Variants in CCDC172 observed in about 807,000 individuals in gnomAD.
CCDC172 encodes the protein coiled-coil domain containing 172.
Under a neutral mutation model 38.0 loss-of-function variants are expected in CCDC172, and 30 were observed. The observed-to-expected ratio is 0.79, with a 90% CI of 0.59 to 1.07. The LOEUF is 1.07. Ranked by LOEUF, CCDC172 falls within the 50% of genes least tolerant of loss-of-function variation. CCDC172 has a pLI of 0.00. For synonymous variants in CCDC172, 78 were observed against 88.3 expected (o/e 0.88, Z 0.66); for missense variants, 297 against 290.1 (o/e 1.02, Z -0.17).
At chr10:116,354,714 A>C (rs557459153) in intron 5 of CCDC172, among the ~76,000 whole-genome samples, 123 of 152,194 alleles carry the variant, frequency 8.1e-4, no homozygotes, top group Admixed American at 4.0e-3. Context: ...TGGGTGACAG[A>C]GCGAGACTCT....
intron 5 of CCDC172, among the ~76,000 whole-genome samples, chr10:116,352,058 G>C (rs1443265141): frequency 1.3e-5 from 2 of 152,144 alleles, no homozygotes; most frequent in East Asian, 3.8e-4. Context: ...GAGCAATAAG[G>C]TGGACAATTC....
At chr10:116,347,616 T>G (rs1197925932) in intron 5 of CCDC172, among the ~76,000 whole-genome samples, 1 of 152,130 alleles carries the variant, frequency 6.6e-6, no homozygotes. Context: ...AGCTTCACTC[T>G]GACATCATGA....
At chr10:116,326,085 G>C (rs1844588998) in intron 3 of CCDC172, among the ~76,000 whole-genome samples, 1 of 152,146 alleles carries the variant, frequency 6.6e-6, no homozygotes, top group South Asian at 2.1e-4. Context: ...GAAAACCGTT[G>C]CAAGTTCCTG....
chr10:116,354,684 C>T (rs549352280), intron 5 of CCDC172, among the ~76,000 whole-genome samples: 1 of 152,286 alleles, frequency 6.6e-6, no homozygotes, highest in South Asian at 2.1e-4. Flanking sequence ...GAGCTGAGAT[C>T]ATGCCACTGC....
intron 7 of CCDC172, among the ~76,000 whole-genome samples, chr10:116,359,882 T>C (rs1443506477): frequency 2.0e-5 from 3 of 152,228 alleles, no homozygotes; most frequent in African/African-American, 7.2e-5. Flanking sequence ...ATATGCCATG[T>C]TCAGGTTATT....
At chr10:116,355,135 G>A (rs1173348661) in intron 5 of CCDC172, among the ~76,000 whole-genome samples, 1 of 152,144 alleles carries the variant, frequency 6.6e-6, no homozygotes, top group Non-Finnish European at 1.5e-5. Flanking sequence ...CGGTAATGTC[G>A]TGGGCCTATG....
At chr10:116,326,236 A>G (rs2134897102) in intron 3 of CCDC172, among the ~76,000 whole-genome samples, 1 of 152,334 alleles carries the variant, frequency 6.6e-6, no homozygotes, top group Middle Eastern at 3.4e-3. Context: ...CCCTGTCTTT[A>G]AAAATAAAAG....
At chr10:116,368,389 T>C (rs1224743384) in intron 7 of CCDC172, among the ~76,000 whole-genome samples, 2 of 152,102 alleles carry the variant, frequency 1.3e-5, no homozygotes, top group East Asian at 3.9e-4. Flanking sequence ...GTAAAGTTCT[T>C]TTAAAAAGAG....
At chr10:116,368,806 A>G (rs995531216) in intron 7 of CCDC172, among the ~76,000 whole-genome samples, 1 of 152,060 alleles carries the variant, frequency 6.6e-6, no homozygotes, top group Non-Finnish European at 1.5e-5. Context: ...TACCATTTTT[A>G]AATGGTAAAT....
At chr10:116,348,035 T>C (rs1227616816) in intron 5 of CCDC172, among the ~76,000 whole-genome samples, 1 of 152,184 alleles carries the variant, frequency 6.6e-6, no homozygotes, top group African/African-American at 2.4e-5. Flanking sequence ...ATATGTGAGA[T>C]TCATCTTTGT....
chr10:116,360,321 C>G (rs531624926), intron 7 of CCDC172, among the ~76,000 whole-genome samples: 91 of 152,112 alleles, frequency 6.0e-4, no homozygotes, highest in Non-Finnish European at 7.9e-4. Flanking sequence ...AGCTCTCCCC[C>G]CACTTATGGT....
intron 5 of CCDC172, among the ~76,000 whole-genome samples, chr10:116,348,705 G>T (rs1844896002): frequency 1.3e-5 from 2 of 151,914 alleles, no homozygotes; most frequent in Admixed American, 1.3e-4. Flanking sequence ...AACCTGTTTT[G>T]CCATCCCTGC....
intron 7 of CCDC172, among the ~76,000 whole-genome samples, chr10:116,360,181 C>T (rs907534451): frequency 2.0e-5 from 3 of 152,154 alleles, no homozygotes; most frequent in African/African-American, 7.2e-5. Flanking sequence ...GTTAATTTAT[C>T]AGAAACCTCC....
In CCDC172 at chr10:116,340,740, C is replaced by G. The variant is rs752211066; in HGVS notation, c.172C>G (p.Gln58Glu). Residue 58 changes from glutamine to glutamate, a missense_variant, in exon 4 of 9, where the codon CAG (glutamine) becomes GAG (glutamate). Transcript: ENST00000333254. ...EKIKLESKVQQFFEKSFFLQL... is the reference protein window; with the variant it reads ...EKIKLESKVQEFFEKSFFLQL... ...CTGTTTTTGTACTTTGAAGGTTCAA[C>G]AGTTTTTTGAAAAATCCTTCTTCTT... The G allele has an allele frequency of 3.9e-6, 6 of 1,544,278 alleles. No individual in the cohort carries two copies. In the African/African-American group the frequency reaches 6.9e-5, roughly 18 times the overall value.
chr10:116,325,140 G>C (rs1358885763), intron 2 of CCDC172, 50 bp downstream of exon 2: 4 of 1,583,494 alleles, frequency 2.5e-6, no homozygotes, highest in Non-Finnish European at 3.5e-6. Context: ...TCTGATGCTG[G>C]GTGCTTGGAG....
chr10:116,360,682 G>C (rs1322138029), intron 7 of CCDC172, among the ~76,000 whole-genome samples: 1 of 152,060 alleles, frequency 6.6e-6, no homozygotes, highest in Non-Finnish European at 1.5e-5. Context: ...GGGAAATGTG[G>C]AGCCCAGCCC....
intron 5 of CCDC172, among the ~76,000 whole-genome samples, chr10:116,354,776 A>G (rs1027704065): frequency 4.6e-5 from 7 of 152,196 alleles, no homozygotes; most frequent in African/African-American, 1.7e-4. Flanking sequence ...AGCTCCATCC[A>G]TGTTATTGCC....
intron 3 of CCDC172, among the ~76,000 whole-genome samples, chr10:116,331,275 C>A (rs1025408716): frequency 6.6e-6 from 1 of 152,092 alleles, no homozygotes; most frequent in South Asian, 2.1e-4. Context: ...AAGAAATTCT[C>A]AATAATTTTT....
chr10:116,334,148 G>T (rs1020272364), intron 3 of CCDC172, among the ~76,000 whole-genome samples: 1 of 152,118 alleles, frequency 6.6e-6, no homozygotes, highest in Admixed American at 6.6e-5. Flanking sequence ...TGAGCAAATG[G>T]ATCAGATTAT....
Sources: allele counts gnomAD v4.1 joint callset (sites outside exome capture counted in the v4.1 genomes callset), GRCh38; gene constraint gnomAD v4.1.1; transcripts MANE v1.5; gene names NCBI Gene and HGNC (gene_info 2026-07-23, HGNC 2026-07-21).